Variants in AIPL1 observed in about 807,000 individuals in gnomAD.
The protein encoded by AIPL1 is aryl-hydrocarbon-interacting protein-like 1.
Under a neutral mutation model 32.9 loss-of-function variants are expected in AIPL1, and 23 were observed. The ratio of observed to expected loss-of-function variants is 0.70; its 90% CI spans 0.50 to 0.99. The LOEUF is 0.99. AIPL1 is among the 50% of genes least tolerant of loss of function. AIPL1 has a pLI of 0.00. For missense variants in AIPL1, 485 were observed against 506.0 expected (o/e 0.96, Z 0.40); for synonymous variants, 210 against 209.4 (o/e 1.00, Z -0.02).
At chr17:6,432,493 A>G (rs1912699849) in intron 2 of AIPL1, among the ~76,000 whole-genome samples, 3 of 152,252 alleles carry the variant, frequency 2.0e-5, no homozygotes, top group Admixed American at 6.5e-5. Context: ...ATTTAAACAA[A>G]CCAAACTCAT....
rs1209282452 is a variant in AIPL1, at chr17:6,426,703, C to CA, written c.695dup (p.Ile233AspfsTer16). ...GCAGGCACTGGCAGTAGTTGAGGAT[C>CA]AGAGTATTGATCATCTTCTCCAGCT... On this transcript the variant is annotated frameshift_variant, in exon 5 of 6. Transcript: ENST00000381129. LOFTEE classifies it high-confidence loss of function. 6.2e-7 allele frequency: 1 copy of CA among 1,614,190 alleles called. No homozygotes were observed. The highest frequency in any genetic ancestry group is 8.5e-7 in the Non-Finnish European group (1 of 1,180,042).
chr17:6,431,460 A>G (rs1597336509), intron 2 of AIPL1, among the ~76,000 whole-genome samples: 1 of 152,054 alleles, frequency 6.6e-6, no homozygotes, highest in African/African-American at 2.4e-5. Context: ...CATCTCAGAA[A>G]AAAAAAAAAA....
chr17:6,433,946 C>T lies in AIPL1; in HGVS notation c.249G>A (p.Glu83=). The change falls in exon 2 of 6, where the codon GAG becomes GAA. Residue 83 remains glutamate (E), a synonymous_variant. Transcript: ENST00000381129. ...EILLTSMRVH[E]VAEFWCDTIH... is the part of the protein sequence containing the mutation. The stretch of plus-strand genomic sequence containing the variant: ...TGGTGTCGCACCAGAACTCGGCCAC[C>T]TCGTGCACCCGCATGGAGGTAAGCA... 1 of 1,611,600 alleles carries T rather than the reference C, an allele frequency of 6.2e-7. No individual in the cohort carries two copies. The highest frequency in any genetic ancestry group is 1.4e-5 in the African/African-American group (1 of 73,164).
intron 2 of AIPL1, 127 bp downstream of exon 2, chr17:6,433,792 T>C: frequency 8.2e-7 from 1 of 1,217,310 alleles, no homozygotes; most frequent in Non-Finnish European, 1.2e-6. Context: ...GGGAATAAGT[T>C]TGCAGGACTG....
chr17:6,426,397 G>T, intron 5 of AIPL1: 1 of 1,426,664 alleles, frequency 7.0e-7, no homozygotes, highest in Non-Finnish European at 9.1e-7. Flanking sequence ...TCCTGGGTAA[G>T]TGTTCAAACA....
intron 2 of AIPL1, among the ~76,000 whole-genome samples, chr17:6,431,681 C>A (rs1007813456): frequency 1.3e-5 from 2 of 152,136 alleles, no homozygotes; most frequent in Admixed American, 6.5e-5. Flanking sequence ...CCCCAAAATG[C>A]TCATTTAAAA....
intron 2 of AIPL1, among the ~76,000 whole-genome samples, chr17:6,432,810 T>G (rs1265228804): frequency 6.6e-6 from 1 of 152,186 alleles, no homozygotes; most frequent in African/African-American, 2.4e-5. Context: ...TTTGTATTTT[T>G]GGTAGAGACG....
At chr17:6,426,844 C>G in intron 4 of AIPL1, 37 bp downstream of exon 4, 14 of 1,613,226 alleles carry the variant, frequency 8.7e-6, no homozygotes, top group Non-Finnish European at 1.2e-5. Context: ...CCCCCAGAGT[C>G]AGCGCCACTT....
intron 5 of AIPL1, chr17:6,426,412 T>G (rs1482889072): frequency 2.1e-6 from 3 of 1,435,792 alleles, no homozygotes; most frequent in Non-Finnish European, 2.7e-6. Context: ...CAAACACACA[T>G]TAAAATAAAG....
chr17:6,427,428 C>A (rs1567637785), intron 3 of AIPL1, among the ~76,000 whole-genome samples: 1 of 152,266 alleles, frequency 6.6e-6, no homozygotes, highest in Non-Finnish European at 1.5e-5. Context: ...GTGCAGTGCA[C>A]AGACCACACA....
intron 2 of AIPL1, among the ~76,000 whole-genome samples, chr17:6,429,529 T>C (rs913115781): frequency 6.6e-6 from 1 of 152,214 alleles, no homozygotes; most frequent in Non-Finnish European, 1.5e-5. Flanking sequence ...AGAACCAGCT[T>C]ACTGCAGGGA....
chr17:6,434,771 G>C (rs1403020658), intron 1 of AIPL1, among the ~76,000 whole-genome samples: 1 of 152,170 alleles, frequency 6.6e-6, no homozygotes, highest in Non-Finnish European at 1.5e-5. Flanking sequence ...TCAACATTTA[G>C]GGCCCCAGAA....
rs1567637144 is a variant in AIPL1, at chr17:6,426,951, A to G, written c.572T>C (p.Leu191Pro). The G allele has an allele frequency of 6.2e-7, 1 of 1,614,216 alleles. No individual in the cohort carries two copies. The highest frequency in any genetic ancestry group is 2.2e-5 in the East Asian group (1 of 44,876). The change falls in exon 4 of 6, where the codon CTG (leucine) becomes CCG (proline). Residue 191 changes from leucine to proline, a missense_variant. Leu to Pro is a moderately conservative substitution (Grantham distance 98). Transcript: ENST00000381129. ...GGAAGAGGCCTCCTCGTAGCGGCCC[A>G]GCTTGAAGAGCCGATTTCCCTCTCC... ...LHGEGNRLFK[L>P]GRYEEASSKY...
At chr17:6,433,611 TCACACACACACACACACA>T (rs541117064) in intron 2 of AIPL1, among the ~76,000 whole-genome samples, 3 of 106,254 alleles carry the variant, frequency 2.8e-5, no homozygotes, top group African/African-American at 1.1e-4. Flanking sequence ...TCTCTCTCTC[TCACACACACACACACACA>T]CACACACACA....
chr17:6,427,516 G>A (rs1454102440), intron 3 of AIPL1, among the ~76,000 whole-genome samples: 1 of 152,126 alleles, frequency 6.6e-6, no homozygotes, highest in Non-Finnish European at 1.5e-5. Flanking sequence ...TAGCTCTCAG[G>A]CTGAGCCTCA....
rs377102999 is a variant in AIPL1, at chr17:6,432,786, A to G, written c.276+1133T>C. On this transcript the variant is annotated intron_variant, in intron 2 of 5. Coordinates refer to ENST00000381129, the MANE Select transcript of AIPL1 (RefSeq NM_014336.5). ...GCTGGGATTACAGGCATGTGCCACC[A>G]CGCCCAGCTAATTTTTGTATTTTTG... 4.3e-4 allele frequency among the ~76,000 whole-genome samples: 65 copies of G among 152,192 alleles called. No homozygotes were observed. In the East Asian group the frequency reaches 0.012, roughly 28 times the overall value.
intron 2 of AIPL1, among the ~76,000 whole-genome samples, chr17:6,433,160 A>G (rs1912776060): frequency 6.6e-6 from 1 of 152,228 alleles, no homozygotes; most frequent in African/African-American, 2.4e-5. Flanking sequence ...GCCATAAGGC[A>G]AGGAAGCTAA....
chr17:6,435,021 G>A lies in AIPL1; in HGVS notation c.84C>T (p.Ile28=), dbSNP rs200220360. Residue 28 remains isoleucine, a synonymous_variant, in exon 1 of 6, where the codon ATC becomes ATT. Transcript: ENST00000381129. The part of the protein sequence containing the change: ...HGGTGELPNF[I]TGSRVIFHFR... ...GGGCCCCACTCACTCGGGATCCGGT[G>A]ATGAAGTTTGGGAGCTCGCCCGTGC... 1.2e-6 allele frequency: 2 copies of A among 1,614,212 alleles called. No individual in the cohort carries two copies. Among genetic ancestry groups the A allele is most frequent in the East Asian group, 2.2e-5 (1 of 44,866 alleles).
chr17:6,425,780 T>G lies in AIPL1; in HGVS notation c.835A>C (p.Asn279His). 1.2e-6 allele frequency: 2 copies of G among 1,606,420 alleles called. No individual in the cohort carries two copies. The highest frequency in any genetic ancestry group is 2.2e-5 in the South Asian group (2 of 91,080). Reference protein sequence around the residue: ...VRARAHAEVWNEAEAKADLQK... With the variant: ...VRARAHAEVWHEAEAKADLQK... ...AGGTCCGCCTTGGCCTCGGCCTCAT[T>G]CCACACCTCTGCGTGAGCCCGGGCA... is the stretch of plus-strand genomic sequence containing the variant. The change falls in exon 6 of 6, where the codon AAT becomes CAT. Residue 279 changes from asparagine (N) to histidine (H), a missense_variant. By Grantham distance (68) the Asn-to-His change is moderately conservative. Transcript: ENST00000381129.
Sources: allele counts gnomAD v4.1 joint callset (sites outside exome capture counted in the v4.1 genomes callset), GRCh38; gene constraint gnomAD v4.1.1; transcripts MANE v1.5; gene names NCBI Gene and HGNC (gene_info 2026-07-23, HGNC 2026-07-21).